Variants in ASCC1 observed in about 807,000 individuals in gnomAD.
The protein encoded by ASCC1 is activating signal cointegrator 1 complex subunit 1, also known as ASC-1 complex subunit P50.
A neutral mutation model predicts 46.6 loss-of-function variants in ASCC1; 35 were observed. The ratio of observed to expected loss-of-function variants is 0.75; its 90% confidence interval spans 0.57 to 0.99. The LOEUF (loss-of-function observed/expected upper bound fraction) is 0.99. Ranked by LOEUF, ASCC1 falls within the 50% of genes least tolerant of loss-of-function variation. ASCC1 has a pLI of 0.00. For synonymous variants in ASCC1, 143 were observed against 146.6 expected (o/e 0.98, Z 0.18); for missense variants, 376 against 428.7 (o/e 0.88, Z 1.09).
intron 9 of ASCC1, among the ~76,000 whole-genome samples, chr10:72,116,529 T>C (rs1422185448): frequency 2.6e-5 from 4 of 152,232 alleles, no homozygotes; most frequent in Non-Finnish European, 5.9e-5. Context: ...ATTAAATATA[T>C]GTTAGATCTT....
At chr10:72,152,193 G>GT (rs1436656938) in intron 7 of ASCC1, among the ~76,000 whole-genome samples, 1,590 of 138,766 alleles carry the variant, frequency 0.011, 33 homozygotes, top group African/African-American at 0.041. Context: ...TTTGTTTTTT[G>GT]TGTTTTTTTT....
rs747854362 is a variant in ASCC1 at position 72,213,289 on chromosome 10, G to C, written c.10C>G (p.Leu4Val). Reference protein sequence around the residue: MEVLRPQLIRIDGR... With the variant: MEVVRPQLIRIDGR... ...TCAATTCTTATAAGCTGTGGACGCA[G>C]AACTTCCATGACACTTTCTCCAAAT... Residue 4 changes from leucine (L) to valine (V), a missense_variant, in exon 2 of 10, where the codon CTG becomes GTG. Leu to Val is a conservative substitution (Grantham distance 32, BLOSUM62 1). Coordinates refer to ENST00000672957, the MANE Select transcript of ASCC1 (RefSeq NM_001198800.3). The C allele has an allele frequency of 4.0e-5, 64 of 1,610,412 alleles. No individual in the cohort carries two copies. The highest frequency in any genetic ancestry group is 4.8e-5 in the Non-Finnish European group (57 of 1,176,996).
Position 72,122,049 on chromosome 10 carries a change from G to A in ASCC1, c.957+6033C>T, listed in dbSNP as rs548488477. On this transcript the variant is annotated intron_variant, in intron 9 of 9. Coordinates refer to ENST00000672957, the MANE Select transcript of ASCC1 (RefSeq NM_001198800.3). ...AAAAGAATAGAATCATACAGTGTCTGCTCTCAGGCCACAATGAAATTAAAC... is the reference window on the plus strand; with the variant it reads ...AAAAGAATAGAATCATACAGTGTCTACTCTCAGGCCACAATGAAATTAAAC... Among the ~76,000 whole-genome samples, 73 of 152,204 alleles carry A rather than the reference G, an allele frequency of 4.8e-4. 2 individuals carry two copies. Among genetic ancestry groups the A allele is most frequent in the Non-Finnish European group, 8.8e-5 (6 of 68,046 alleles).
At chr10:72,145,163 T>A (rs1055764156) in intron 7 of ASCC1, among the ~76,000 whole-genome samples, 1 of 152,250 alleles carries the variant, frequency 6.6e-6, no homozygotes, top group African/African-American at 2.4e-5. Flanking sequence ...GTCATAATTG[T>A]CAATCCTCCA....
chr10:72,186,277 G>A (rs565240133), intron 5 of ASCC1, among the ~76,000 whole-genome samples: 13 of 151,914 alleles, frequency 8.6e-5, no homozygotes, highest in African/African-American at 3.1e-4. Flanking sequence ...GCCCACCACT[G>A]CACCTGGAGA....
intron 7 of ASCC1, 199 bp from the exon 8 acceptor site, chr10:72,133,380 G>A (rs1845826030): frequency 1.7e-6 from 1 of 591,840 alleles, no homozygotes; most frequent in Non-Finnish European, 3.0e-6. Flanking sequence ...TTAACAGATA[G>A]TAGAAATAAA....
Position 72,096,843 on chromosome 10 carries a change from T to G in ASCC1, c.*491A>C. The G allele has an allele frequency of 2.2e-6, 1 of 454,108 alleles. No homozygotes were observed. Among genetic ancestry groups the G allele is most frequent in the Admixed American group, 2.3e-5 (1 of 42,570 alleles). 28.1% of individuals were successfully genotyped at this position (454,108 alleles called of 1,614,324 possible). A position where few individuals can be genotyped will look rare whatever the true frequency, so the allele number is the denominator to read the frequency against. ...AAGTCACTGTATGATTCCACTTATA[T>G]GAGATACTGAGAATAGTCAAAACCA... On this transcript the variant is annotated 3_prime_UTR_variant, in exon 10 of 10. Coordinates refer to ENST00000672957, the MANE Select transcript of ASCC1 (RefSeq NM_001198800.3).
intron 6 of ASCC1, among the ~76,000 whole-genome samples, chr10:72,156,602 C>T (rs571394080): frequency 6.6e-6 from 1 of 152,046 alleles, no homozygotes; most frequent in East Asian, 1.9e-4. Context: ...GAAACCCCAT[C>T]TCTACTAAAT....
chr10:72,150,290 AATGAG>A (rs1382964914), intron 7 of ASCC1, among the ~76,000 whole-genome samples: 1 of 152,128 alleles, frequency 6.6e-6, no homozygotes, highest in Non-Finnish European at 1.5e-5. Flanking sequence ...TTCCAAATGA[AATGAG>A]ATAAGACACC....
chr10:72,160,662 ACTAG>A (rs1350790794), intron 6 of ASCC1, among the ~76,000 whole-genome samples: 1 of 151,176 alleles, frequency 6.6e-6, no homozygotes. Context: ...GGAGTTTGAG[ACTAG>A]CTAGCCTGGG....
At chr10:72,186,949 GAAA>G (rs58308871) in intron 5 of ASCC1, among the ~76,000 whole-genome samples, 6 of 101,140 alleles carry the variant, frequency 5.9e-5, no homozygotes, top group African/African-American at 1.2e-4. Flanking sequence ...CACATGCCCA[GAAA>G]AAAAAAAAAA....
chr10:72,192,867 A>T (rs1854756100), intron 5 of ASCC1, among the ~76,000 whole-genome samples: 1 of 152,244 alleles, frequency 6.6e-6, no homozygotes, highest in Non-Finnish European at 1.5e-5. Flanking sequence ...GATGGCAAAA[A>T]AAGCACATGA....
At position 72,143,184 on chromosome 10, in the gene ASCC1, GTATTAAATGTGT is replaced by G. The variant is rs1328863026; in HGVS notation, c.746+9673_746+9684del. Among the ~76,000 whole-genome samples, 13 of 151,032 alleles carry G rather than the reference GTATTAAATGTGT, an allele frequency of 8.6e-5. No homozygotes were observed. The South Asian group carries it at 1.9e-3, about 22-fold the overall frequency. On this transcript the variant is annotated intron_variant, in intron 7 of 9. Coordinates refer to ENST00000672957, the MANE Select transcript of ASCC1 (RefSeq NM_001198800.3). ...TCAGGAAAAAAAAAAAAAAAAAAAG[GTATTAAATGTGT>G]TATTAAATGTGTTTTGTCATAGTTA...
chr10:72,158,791 T>C (rs1202998026), intron 6 of ASCC1, among the ~76,000 whole-genome samples: 1 of 152,192 alleles, frequency 6.6e-6, no homozygotes, highest in Non-Finnish European at 1.5e-5. Flanking sequence ...TTTCAGTGTT[T>C]TCCTTTCATA....
intron 5 of ASCC1, among the ~76,000 whole-genome samples, chr10:72,185,129 G>A (rs1853266005): frequency 6.6e-6 from 1 of 152,196 alleles, no homozygotes; most frequent in Non-Finnish European, 1.5e-5. Flanking sequence ...ACACCACTAA[G>A]TGTTGGTAAG....
At chr10:72,212,573 T>C (rs1206809924) in intron 2 of ASCC1, among the ~76,000 whole-genome samples, 3 of 152,064 alleles carry the variant, frequency 2.0e-5, no homozygotes, top group Non-Finnish European at 1.5e-5. Context: ...TAGGGCCAAG[T>C]GCGGTAGCTC....
intron 5 of ASCC1, among the ~76,000 whole-genome samples, chr10:72,185,612 A>G (rs1174409105): frequency 6.6e-6 from 1 of 152,186 alleles, no homozygotes; most frequent in East Asian, 1.9e-4. Context: ...CCTAATAGCA[A>G]CACAAAATAG....
chr10:72,163,046 T>C (rs555376058), intron 5 of ASCC1, among the ~76,000 whole-genome samples: 1 of 152,136 alleles, frequency 6.6e-6, no homozygotes, highest in South Asian at 2.1e-4. Flanking sequence ...ATTAGTCACT[T>C]AGGGAAATGC....
chr10:72,122,524 A>G (rs1212769350), intron 9 of ASCC1, among the ~76,000 whole-genome samples: 1 of 151,814 alleles, frequency 6.6e-6, no homozygotes, highest in Non-Finnish European at 1.5e-5. Flanking sequence ...GCTCACTCCT[A>G]TAATCCCAAC....
Sources: gnomAD v4.1 joint callset for allele counts (sites outside exome capture counted in the v4.1 genomes callset) on GRCh38, gnomAD v4.1.1 for gene constraint, MANE v1.5 for transcripts, NCBI Gene and HGNC (gene_info 2026-07-23, HGNC 2026-07-21) for gene names.